Variants in ATM observed in about 807,000 individuals in gnomAD.
ATM encodes the protein serine-protein kinase ATM.
A neutral mutation model predicts 387.0 loss-of-function variants in ATM; 308 were observed. The observed-to-expected ratio is 0.80, with a 90% CI of 0.73 to 0.87. ATM has a LOEUF of 0.87. Among genes scored for constraint, ATM ranks in the 40% least tolerant of loss-of-function variants. The pLI is 0.00. For synonymous variants in ATM, 1,156 were observed against 1,187.3 expected (o/e 0.97, Z 0.54); for missense variants, 3,312 against 3,560.9 (o/e 0.93, Z 1.78).
At chr11:108,235,453 A>G (rs2079219669) in intron 4 of ATM, among the ~76,000 whole-genome samples, 1 of 152,226 alleles carries the variant, frequency 6.6e-6, no homozygotes, top group Admixed American at 6.5e-5. Context: ...ATAAACAATA[A>G]GTAAATGAAT....
intron 26 of ATM, among the ~76,000 whole-genome samples, chr11:108,285,632 G>A (rs1350134753): frequency 1.3e-5 from 2 of 150,612 alleles, no homozygotes; most frequent in Non-Finnish European, 3.0e-5. Flanking sequence ...TAGTTTCCTA[G>A]TTATCTATAT....
intron 31 of ATM, 32 bp downstream of exon 31, chr11:108,293,509 A>T: frequency 6.5e-7 from 1 of 1,543,688 alleles, no homozygotes; most frequent in Non-Finnish European, 8.9e-7. Context: ...ACTATTTTTT[A>T]TTAGAGAACA....
intron 17 of ATM, 75 bp downstream of exon 17, chr11:108,267,417 T>A (rs2135511563): frequency 7.3e-7 from 1 of 1,367,602 alleles, no homozygotes; most frequent in Admixed American, 1.7e-5. Context: ...GCCTCATTGA[T>A]ATCAATTTTG....
rs1064795066 is a variant in ATM, at chr11:108,347,350, G to A, written c.8656G>A (p.Val2886Ile). Residue 2886 changes from valine (V) to isoleucine (I), a missense_variant, in exon 59 of 63, where the codon GTA (valine) becomes ATA (isoleucine). Coordinates refer to ENST00000675843, the MANE Select transcript of ATM (RefSeq NM_000051.4). ...GATAAATGAGCAGTCAGCAGAACTTGTACATATAGATCTAGGTAAGTAATA... is the reference window on the plus strand; with the variant it reads ...GATAAATGAGCAGTCAGCAGAACTTATACATATAGATCTAGGTAAGTAATA... The part of the protein sequence containing the change: ...ILINEQSAEL[V>I]HIDLGVAFEQ... The A allele has an allele frequency of 4.4e-6, 7 of 1,603,282 alleles. No homozygotes were observed. Among genetic ancestry groups the A allele is most frequent in the Non-Finnish European group, 5.1e-6 (6 of 1,170,456 alleles).
rs772888878 is a variant in ATM at position 108,292,607 on chromosome 11, T to C, written c.4437-12T>C. 3 of 1,612,646 alleles carry C rather than the reference T, an allele frequency of 1.9e-6. No homozygotes were observed. Among genetic ancestry groups the C allele is most frequent in the Non-Finnish European group, 2.5e-6 (3 of 1,179,114 alleles). On this transcript the variant is annotated splice_polypyrimidine_tract_variant and intron_variant, in intron 29 of 62. Coordinates refer to ENST00000675843, the MANE Select transcript of ATM (RefSeq NM_000051.4). ...TACTGGTTGTTGTTGTTTTTTTTTC[T>C]CCCTATATTAGGCCTTCTTGTATCA... is the stretch of plus-strand genomic sequence containing the variant.
intron 5 of ATM, among the ~76,000 whole-genome samples, chr11:108,240,091 A>G (rs1486642308): frequency 1.3e-5 from 2 of 152,204 alleles, no homozygotes; most frequent in Non-Finnish European, 2.9e-5. Flanking sequence ...CAGTAAACCT[A>G]TGCTGGGACA....
At chr11:108,297,239 TG>T (rs764509554) in intron 32 of ATM, 47 bp from the exon 33 acceptor site, 11 of 1,451,948 alleles carry the variant, frequency 7.6e-6, no homozygotes, top group Non-Finnish European at 1.1e-5. Flanking sequence ...TAAACAAAAG[TG>T]TTGTCTTCAT....
At position 108,252,888 on chromosome 11, in the gene ATM, A is replaced by T. The variant is rs766757573; in HGVS notation, c.1874A>T (p.Asn625Ile). 13 of 1,612,590 alleles carry T rather than the reference A, an allele frequency of 8.1e-6. No homozygotes were observed. Among genetic ancestry groups the T allele is most frequent in the Non-Finnish European group, 9.3e-6 (11 of 1,179,140 alleles). ...LTMKNCKAAMNFFQSVPECEH... is the reference protein window; with the variant it reads ...LTMKNCKAAMIFFQSVPECEH... ...ATGAAAAACTGTAAAGCTGCAATGA[A>T]TTTTTTCCAAAGCGTGCCAGAATGG... The change falls in exon 12 of 63, where the codon AAT becomes ATT. Residue 625 changes from asparagine (N) to isoleucine (I), a missense_variant. By Grantham distance (149) the Asn-to-Ile change is moderately radical. Transcript: ENST00000675843.
intron 40 of ATM, among the ~76,000 whole-genome samples, chr11:108,314,976 C>CA (rs1223014650): frequency 6.6e-6 from 1 of 152,194 alleles, no homozygotes; most frequent in Admixed American, 6.5e-5. Flanking sequence ...CAGAATGTAT[C>CA]AAACAATTCA....
intron 38 of ATM, 124 bp downstream of exon 38, chr11:108,308,108 A>G: frequency 2.2e-6 from 2 of 926,870 alleles, no homozygotes; most frequent in Non-Finnish European, 3.4e-6. Context: ...AATTTGTGTG[A>G]TATTTATATC....
rs746422877 is a variant in ATM at position 108,253,958 on chromosome 11, T to A, written c.2043T>A (p.Ser681=). The A allele has an allele frequency of 4.3e-6, 7 of 1,614,088 alleles. No individual in the cohort carries two copies. The highest frequency in any genetic ancestry group is 5.9e-6 in the Non-Finnish European group (7 of 1,179,978). ...AGCACCAGTCCAGTATTGGCTTCTC[T>A]GTCCACCAGAATCTCAAGGAATCAC... is the stretch of plus-strand genomic sequence containing the variant. ...IEKHQSSIGF[S]VHQNLKESLD... The change falls in exon 13 of 63, where the codon TCT becomes TCA. Residue 681 remains serine, a synonymous_variant. Coordinates refer to ENST00000675843, the MANE Select transcript of ATM (RefSeq NM_000051.4).
intron 61 of ATM, among the ~76,000 whole-genome samples, chr11:108,357,420 G>T (rs1223209828): frequency 6.6e-6 from 1 of 152,232 alleles, no homozygotes; most frequent in Non-Finnish European, 1.5e-5. Context: ...CAGCCGGGAA[G>T]CTCGAACTGG....
chr11:108,303,634 A>G (rs1444337666), intron 36 of ATM, among the ~76,000 whole-genome samples: 1 of 152,200 alleles, frequency 6.6e-6, no homozygotes, highest in Non-Finnish European at 1.5e-5. Context: ...CAGATAACTG[A>G]TAGAGAAGTA....
intron 46 of ATM, 139 bp from the exon 47 acceptor site, chr11:108,325,919 C>CA (rs2136326014): frequency 9.6e-7 from 1 of 1,038,072 alleles, no homozygotes; most frequent in African/African-American, 1.6e-5. Flanking sequence ...GTCATGCAGA[C>CA]AGAGAGGTCC....
intron 37 of ATM, among the ~76,000 whole-genome samples, chr11:108,306,371 A>G (rs2083691120): frequency 6.6e-6 from 1 of 152,166 alleles, no homozygotes; most frequent in Non-Finnish European, 1.5e-5. Context: ...TCTAAAATGT[A>G]TCTCTTATCT....
intron 48 of ATM, among the ~76,000 whole-genome samples, chr11:108,328,584 A>G (rs554142531): frequency 6.6e-6 from 1 of 152,298 alleles, no homozygotes; most frequent in Non-Finnish European, 1.5e-5. Context: ...CTGTTTTTGC[A>G]GAGTTCTTTA....
intron 40 of ATM, among the ~76,000 whole-genome samples, chr11:108,314,316 G>A (rs2084422114): frequency 6.6e-6 from 1 of 152,038 alleles, no homozygotes; most frequent in Admixed American, 6.6e-5. Context: ...ATGTTGCCCA[G>A]GCCGATCTTG....
Position 108,289,783 on chromosome 11 carries a change from T to G in ATM, c.4418T>G (p.Ile1473Ser). ...CTTCGAGACGTTATTTATACTTTGA[T>G]TCACTATATCAACCAAAGGTAAATA... ...FVLRDVIYTL[I>S]HYINQRPSCI... The change falls in exon 29 of 63, where the codon ATT (isoleucine) becomes AGT (serine). Residue 1473 changes from isoleucine (I) to serine (S), a missense_variant. By Grantham distance (142) the Ile-to-Ser change is moderately radical. Transcript: ENST00000675843. 1 of 1,613,086 alleles carries G rather than the reference T, an allele frequency of 6.2e-7. No homozygotes were observed. The highest frequency in any genetic ancestry group is 2.2e-5 in the East Asian group (1 of 44,860).
intron 50 of ATM, among the ~76,000 whole-genome samples, chr11:108,330,912 T>C (rs1232803570): frequency 6.6e-6 from 1 of 152,184 alleles, no homozygotes; most frequent in East Asian, 1.9e-4. Context: ...TTGAAAACCT[T>C]AGATTATAGT....
Sources: allele counts gnomAD v4.1 joint callset (sites outside exome capture counted in the v4.1 genomes callset), GRCh38; gene constraint gnomAD v4.1.1; transcripts MANE v1.5; gene names NCBI Gene and HGNC (gene_info 2026-07-23, HGNC 2026-07-21).